KIF13B: variants seen among roughly 807,000 people sequenced by gnomAD.
KIF13B encodes kinesin-like protein KIF13B.
A neutral mutation model predicts 222.0 loss-of-function variants in KIF13B; 127 were observed. That is an observed-to-expected ratio of 0.57 (90% CI 0.50 to 0.66). The LOEUF (loss-of-function observed/expected upper bound fraction) is 0.66, where lower values mean the gene tolerates loss of function less well. Among genes scored for constraint, KIF13B ranks in the 30% least tolerant of loss-of-function variants. The probability of loss-of-function intolerance (pLI) is 0.00; values close to 1 mark genes in which losing one functional copy is unlikely to be tolerated. For missense variants in KIF13B, 2,173 were observed against 2,379.0 expected, an observed-to-expected ratio of 0.91 and a Z score of 1.80; for synonymous variants, 976 against 919.0, an observed-to-expected ratio of 1.06 and a Z score of -1.12.
At chr8:29,201,828 C>G (rs1563783859) in intron 2 of KIF13B, among the ~76,000 whole-genome samples, 1 of 152,204 alleles carries the variant, frequency 6.6e-6, no homozygotes, top group Non-Finnish European at 1.5e-5. Context: ...AAACAACAAT[C>G]TGTGTGATGA....
chr8:29,071,468 T>A lies in KIF13B; in HGVS notation c.5218+152A>T, dbSNP rs1317277438. ...CTAGCCCTGCCCCCAGCCTCACCCC[T>A]GCAGGCCCAGCCGCTCCCGCAGCTT... is the stretch of plus-strand genomic sequence containing the variant. On this transcript the variant is annotated intron_variant, in intron 39 of 39. Coordinates refer to ENST00000524189, the MANE Select transcript of KIF13B (RefSeq NM_015254.4). This position sits in a 1 kb window ranked among gnomAD's most constrained non-coding sequence, Gnocchi z 4.9. Among the ~76,000 whole-genome samples, 1 of 152,108 alleles carries A rather than the reference T, an allele frequency of 6.6e-6. No individual in the cohort carries two copies. Among genetic ancestry groups the A allele is most frequent in the Non-Finnish European group, 1.5e-5 (1 of 68,002 alleles).
At chr8:29,117,699 A>G (rs1809668285) in intron 30 of KIF13B, among the ~76,000 whole-genome samples, 1 of 152,174 alleles carries the variant, frequency 6.6e-6, no homozygotes, top group Non-Finnish European at 1.5e-5. Context: ...TTAAGTAATA[A>G]TGTGTCCTCA....
chr8:29,070,803 G>A lies in KIF13B; in HGVS notation c.5219-37C>T, dbSNP rs757298547. On this transcript the variant is annotated intron_variant, in intron 39 of 39. Coordinates refer to ENST00000524189, the MANE Select transcript of KIF13B (RefSeq NM_015254.4). The surrounding 1 kb of genome is among the most constrained non-coding windows in gnomAD (Gnocchi z 4.1). ...GGAGAGGGTGATATGGAGGGCAGCC[G>A]AGCTGCAGACGGCCCCCTGCACCTC... 6 of 1,573,168 alleles carry A rather than the reference G, an allele frequency of 3.8e-6. No individual in the cohort carries two copies. The African/African-American group carries it at 4.1e-5, about 11-fold the overall frequency.
chr8:29,257,327 G>A (rs1307756406), intron 1 of KIF13B, among the ~76,000 whole-genome samples: 1 of 151,116 alleles, frequency 6.6e-6, no homozygotes, highest in African/African-American at 2.4e-5. Flanking sequence ...TGCTCATCTT[G>A]GTCGAGTTTT....
intron 24 of KIF13B, 89 bp downstream of exon 24, chr8:29,130,444 C>T: frequency 7.5e-7 from 1 of 1,341,578 alleles, no homozygotes; most frequent in Non-Finnish European, 1.1e-6. Flanking sequence ...GTCTAGATTT[C>T]ATTATTGCCA....
rs753614333 is a variant in KIF13B, at chr8:29,167,464, T to C, written c.1067A>G (p.His356Arg). The change falls in exon 11 of 40, where the codon CAC becomes CGC. Residue 356 changes from histidine (H) to arginine (R), a missense_variant. By Grantham distance (29) the His-to-Arg change is conservative. Coordinates refer to ENST00000524189, the MANE Select transcript of KIF13B (RefSeq NM_015254.4). Reference sequence around the variant, plus strand: ...ATTAGGGTCCTCATTCACCACAGCGTGGTTTACAATGTGCTTGGCTCGATC... The same window carrying C: ...ATTAGGGTCCTCATTCACCACAGCGCGGTTTACAATGTGCTTGGCTCGATC... The part of the protein sequence containing the change: ...YADRAKHIVN[H>R]AVVNEDPNAR... 1 of 1,613,802 alleles carries C rather than the reference T, an allele frequency of 6.2e-7. No homozygotes were observed. The highest frequency in any genetic ancestry group is 8.5e-7 in the Non-Finnish European group (1 of 1,179,868).
intron 37 of KIF13B, among the ~76,000 whole-genome samples, chr8:29,090,326 C>T (rs17526904): frequency 0.1 from 15,779 of 151,994 alleles, 1,037 homozygotes; most frequent in Middle Eastern, 0.17. Flanking sequence ...GCTAAAGCCA[C>T]GGAACTCAAT....
chr8:29,143,824 C>T (rs140108399), intron 18 of KIF13B, among the ~76,000 whole-genome samples: 1 of 151,538 alleles, frequency 6.6e-6, no homozygotes, highest in African/African-American at 2.4e-5. Flanking sequence ...GCCTGGGCAA[C>T]AAAGCAAGAC....
rs373551169 is a variant in KIF13B at position 29,161,988 on chromosome 8, C to T, written c.1270-1121G>A. Among the ~76,000 whole-genome samples the T allele has an allele frequency of 2.5e-3, 388 of 152,272 alleles. 5 individuals carry two copies. Among genetic ancestry groups the T allele is most frequent in the African/African-American group, 8.8e-3 (365 of 41,552 alleles). On this transcript the variant is annotated intron_variant, in intron 12 of 39. Coordinates refer to ENST00000524189, the MANE Select transcript of KIF13B (RefSeq NM_015254.4). ...AAAAACAAACAAATTTGCATATGCA[C>T]TCAAGCGTTATTTTCATAACACGGG...
intron 38 of KIF13B, among the ~76,000 whole-genome samples, chr8:29,074,146 G>C (rs936708058): frequency 3.3e-5 from 5 of 152,202 alleles, no homozygotes; most frequent in Non-Finnish European, 7.3e-5. Context: ...CCCAGGCCAG[G>C]CTCTCCCAGG....
Position 29,160,810 on chromosome 8 carries a change from C to G in KIF13B, c.1327G>C (p.Val443Leu). ...ACAAGGAAGCATTTATCATCCCCAA[C>G]TTTGATTCCCGAAGACTGAAGAGAT... The part of the protein sequence containing the change: ...GISLQSSGIK[V>L]GDDKCFLVNL... Residue 443 changes from valine to leucine, a missense_variant, in exon 13 of 40, where the codon GTT becomes CTT. Coordinates refer to ENST00000524189, the MANE Select transcript of KIF13B (RefSeq NM_015254.4). The G allele has an allele frequency of 6.2e-7, 1 of 1,613,534 alleles. No individual in the cohort carries two copies. The highest frequency in any genetic ancestry group is 1.1e-5 in the South Asian group (1 of 91,068).
chr8:29,147,243 G>A (rs1811096824), intron 17 of KIF13B, 149 bp downstream of exon 17: 1 of 637,642 alleles, frequency 1.6e-6, no homozygotes, highest in Non-Finnish European at 2.7e-6. Context: ...AAAAACAAAT[G>A]CAAAGTGGTT....
At chr8:29,136,260 TA>T (rs1159981541) in intron 21 of KIF13B, among the ~76,000 whole-genome samples, 1 of 152,158 alleles carries the variant, frequency 6.6e-6, no homozygotes, top group African/African-American at 2.4e-5. Flanking sequence ...GATTACAAGA[TA>T]TTGGAGTTAC....
At chr8:29,130,739 A>C in intron 23 of KIF13B, 74 bp from the exon 24 acceptor site, 1 of 1,369,138 alleles carries the variant, frequency 7.3e-7, no homozygotes, top group Non-Finnish European at 1.0e-6. Flanking sequence ...TCCTACACAC[A>C]TAAGAATTAA....
intron 2 of KIF13B, among the ~76,000 whole-genome samples, chr8:29,223,177 A>C (rs1047246137): frequency 2.0e-5 from 3 of 149,022 alleles, no homozygotes; most frequent in Non-Finnish European, 4.5e-5. Flanking sequence ...AAAAAAAAAA[A>C]ACAAAAAAAA....
chr8:29,201,657 A>G (rs999628150), intron 2 of KIF13B, among the ~76,000 whole-genome samples: 5 of 152,230 alleles, frequency 3.3e-5, no homozygotes, highest in African/African-American at 1.2e-4. Context: ...TGAGTTGCTG[A>G]AATCTTCACA....
At chr8:29,201,327 C>T (rs1813682905) in intron 2 of KIF13B, among the ~76,000 whole-genome samples, 1 of 152,206 alleles carries the variant, frequency 6.6e-6, no homozygotes, top group African/African-American at 2.4e-5. Context: ...ACTGATCTGG[C>T]TTGTGGGCTC....
chr8:29,109,547 G>A (rs1199680304), intron 33 of KIF13B, 36 bp from the exon 34 acceptor site: 1 of 1,555,026 alleles, frequency 6.4e-7, no homozygotes, highest in Non-Finnish European at 8.9e-7. Flanking sequence ...AAAAAGACAT[G>A]TAAGAGACAC....
At chr8:29,093,280 G>T (rs1374373493) in intron 36 of KIF13B, among the ~76,000 whole-genome samples, 1 of 152,130 alleles carries the variant, frequency 6.6e-6, no homozygotes, top group Admixed American at 6.5e-5. Flanking sequence ...TGAAGTCAGG[G>T]ACTATGTCTT....
Sources: gnomAD v4.1 joint callset for allele counts (sites outside exome capture counted in the v4.1 genomes callset) on GRCh38, gnomAD v4.1.1 for gene constraint, Gnocchi (gnomAD v3.1) non-coding constraint, MANE v1.5 for transcripts, NCBI Gene and HGNC (gene_info 2026-07-23, HGNC 2026-07-21) for gene names.